The following PPCDC variants were observed in gnomAD, a reference collection of about 807,000 sequenced individuals.
PPCDC encodes the protein phosphopantothenoylcysteine decarboxylase.
Under a neutral mutation model 20.7 loss-of-function variants are expected in PPCDC, and 20 were observed. That is an observed-to-expected ratio of 0.97 (90% confidence interval 0.68 to 1.41). The LOEUF (loss-of-function observed/expected upper bound fraction) is 1.41. PPCDC is among the 40% of genes most tolerant of loss of function. PPCDC has a pLI of 0.00. For missense variants in PPCDC, 246 were observed against 263.8 expected (o/e 0.93, Z 0.47); for synonymous variants, 88 against 100.3 (o/e 0.88, Z 0.73).
chr15:75,044,656 G>GC (rs1367179102), intron 4 of PPCDC, 142 bp downstream of exon 4: 2 of 1,153,990 alleles, frequency 1.7e-6, no homozygotes, highest in African/African-American at 1.6e-5. Context: ...TCCCCACATC[G>GC]CCCCCAGTGC....
chr15:75,046,178 GT>G (rs2066231143), intron 4 of PPCDC, among the ~76,000 whole-genome samples: 1 of 152,256 alleles, frequency 6.6e-6, no homozygotes. Flanking sequence ...TTGTGCCACT[GT>G]ACTCCAGCCT....
chr15:75,049,251 A>C lies in PPCDC; in HGVS notation c.*16A>C. The C allele has an allele frequency of 6.2e-7, 1 of 1,610,326 alleles. No individual in the cohort carries two copies. The highest frequency in any genetic ancestry group is 8.5e-7 in the Non-Finnish European group (1 of 1,176,544). On this transcript the variant is annotated 3_prime_UTR_variant, in exon 6 of 6. Coordinates refer to ENST00000342932, the MANE Select transcript of PPCDC (RefSeq NM_021823.5). ...GCAGAGTTGACCTGGGATTTCTGTC[A>C]TGGGTGTCCCTCTGTACTCAGAATG...
In PPCDC at chr15:75,040,060, C is replaced by T. The variant is rs1224363308; in HGVS notation, c.136-3381C>T. Among the ~76,000 whole-genome samples the T allele has an allele frequency of 3.3e-5, 5 of 152,160 alleles. No homozygotes were observed. In the East Asian group the frequency reaches 5.8e-4, roughly 18 times the overall value. On this transcript the variant is annotated intron_variant, in intron 2 of 5. Coordinates refer to ENST00000342932, the MANE Select transcript of PPCDC (RefSeq NM_021823.5). Reference sequence around the variant, plus strand: ...TAGCCTCCCAAAGTGGGATTACAGGCGTGAGACACCATGCCCAGCCGTTCT... The same window carrying T: ...TAGCCTCCCAAAGTGGGATTACAGGTGTGAGACACCATGCCCAGCCGTTCT...
chr15:75,027,616 C>G (rs2065973066), intron 1 of PPCDC, among the ~76,000 whole-genome samples: 4 of 152,174 alleles, frequency 2.6e-5, no homozygotes, highest in Admixed American at 2.0e-4. Flanking sequence ...CTGCCGCTTC[C>G]TTTCACCAGT....
At chr15:75,046,178 G>A (rs1023991438) in intron 4 of PPCDC, among the ~76,000 whole-genome samples, 1 of 152,256 alleles carries the variant, frequency 6.6e-6, no homozygotes, top group Non-Finnish European at 1.5e-5. Context: ...TTGTGCCACT[G>A]TACTCCAGCC....
chr15:75,025,734 C>G (rs1327866499), intron 1 of PPCDC, among the ~76,000 whole-genome samples: 5 of 152,156 alleles, frequency 3.3e-5, no homozygotes, highest in African/African-American at 7.2e-5. Flanking sequence ...CTACAGCTAC[C>G]TGTGCAAATA....
intron 3 of PPCDC, among the ~76,000 whole-genome samples, chr15:75,043,902 C>T (rs1392504190): frequency 1.3e-5 from 2 of 152,214 alleles, no homozygotes; most frequent in Non-Finnish European, 2.9e-5. Context: ...GGCTCTGCTG[C>T]ATCTCCCCTG....
At chr15:75,031,307 C>G (rs12594117) in intron 2 of PPCDC, among the ~76,000 whole-genome samples, 26,107 of 152,114 alleles carry the variant, frequency 0.17, 3,336 homozygotes, top group South Asian at 0.43. Context: ...CAGTAAAATC[C>G]GGGTTGTCAG....
At position 75,050,547 on chromosome 15, in the gene PPCDC, C is replaced by T. The variant is rs1177673122; in HGVS notation, c.*1312C>T. The T allele has an allele frequency of 6.6e-6, 1 of 152,310 alleles. No homozygotes were observed. The highest frequency in any genetic ancestry group is 2.4e-5 in the African/African-American group (1 of 41,454). 9.4% of individuals were successfully genotyped at this position (152,310 alleles called of 1,614,324 possible). Reference sequence around the variant, plus strand: ...TCCAGGCCAGGTGTGAGGGACATCCCATGTGGGCTCTGAGAGCACTGAGAG... The same window carrying T: ...TCCAGGCCAGGTGTGAGGGACATCCTATGTGGGCTCTGAGAGCACTGAGAG... On this transcript the variant is annotated 3_prime_UTR_variant, in exon 6 of 6. Transcript: ENST00000342932.
chr15:75,028,222 G>T lies in PPCDC; in HGVS notation c.-72-25G>T, dbSNP rs907281953. ...ATTCTGGTCGACTGTATGAATGAAG[G>T]GGGTGGCCCTTGTTCTCCTTTTAGA... is the stretch of plus-strand genomic sequence containing the variant. On this transcript the variant is annotated intron_variant, in intron 1 of 5. Transcript: ENST00000342932. 71 of 1,483,212 alleles carry T rather than the reference G, an allele frequency of 4.8e-5. No individual in the cohort carries two copies. In the Admixed American group the frequency reaches 1.6e-3, roughly 33 times the overall value. 91.9% of individuals were successfully genotyped at this position (1,483,212 alleles called of 1,614,324 possible).
intron 1 of PPCDC, among the ~76,000 whole-genome samples, chr15:75,027,069 A>T (rs1237335916): frequency 6.6e-6 from 1 of 152,186 alleles, no homozygotes; most frequent in East Asian, 1.9e-4. Context: ...ACCCGGTCAC[A>T]CATTCAGGGA....
At position 75,048,697 on chromosome 15, in the gene PPCDC, A is replaced by C. The variant is rs1378985877; in HGVS notation, c.505A>C (p.Lys169Gln). The change falls in exon 5 of 6, where the codon AAG becomes CAG. Residue 169 changes from lysine (K) to glutamine (Q), a missense_variant. Physicochemically the swap from Lys to Gln is moderately conservative, Grantham distance 53. Coordinates refer to ENST00000342932, the MANE Select transcript of PPCDC (RefSeq NM_021823.5). ...FGYVEIPCVA[K>Q]KLVCGDEGLG... ...CTATGTCGAGATCCCCTGTGTGGCC[A>C]AGAAGCTGGTGTGCGGAGATGAAGG... 2.5e-6 allele frequency: 4 copies of C among 1,614,186 alleles called. No homozygotes were observed. Among genetic ancestry groups the C allele is most frequent in the Admixed American group, 3.3e-5 (2 of 60,022 alleles).
rs2066241934 is a variant in PPCDC at position 75,046,851 on chromosome 15, G to A, written c.361-1702G>A. On this transcript the variant is annotated intron_variant, in intron 4 of 5. Coordinates refer to ENST00000342932, the MANE Select transcript of PPCDC (RefSeq NM_021823.5). ...GTCCCTCTGTCCTCTAGCCCACTAAGGCCCTGGCCCATTTGTGCTAAACAG... is the reference window on the plus strand; with the variant it reads ...GTCCCTCTGTCCTCTAGCCCACTAAAGCCCTGGCCCATTTGTGCTAAACAG... 2.0e-5 allele frequency among the ~76,000 whole-genome samples: 3 copies of A among 152,384 alleles called. No individual in the cohort carries two copies. In the South Asian group the frequency reaches 6.2e-4, roughly 32 times the overall value.
chr15:75,031,132 A>C (rs2066015674), intron 2 of PPCDC, among the ~76,000 whole-genome samples: 2 of 152,138 alleles, frequency 1.3e-5, no homozygotes, highest in South Asian at 4.1e-4. Context: ...CAGGTTCTCA[A>C]ATGATCCATC....
At chr15:75,047,922 G>C (rs2066259208) in intron 4 of PPCDC, among the ~76,000 whole-genome samples, 1 of 152,210 alleles carries the variant, frequency 6.6e-6, no homozygotes, top group South Asian at 2.1e-4. Context: ...GGCTTGGTGG[G>C]ACGGCCTGGA....
chr15:75,043,485 C>CA lies in PPCDC; in HGVS notation c.181dup (p.Ser61LysfsTer14). The CA allele has an allele frequency of 6.2e-7, 1 of 1,613,090 alleles. No homozygotes were observed. Among genetic ancestry groups the CA allele is most frequent in the African/African-American group, 1.3e-5 (1 of 75,012 alleles). ...CAACTGAGAGAGCCAAACATTTCTA[C>CA]AGCCCCCAGGACATTCCTGTCACCC... On this transcript the variant is annotated frameshift_variant, in exon 3 of 6. Coordinates refer to ENST00000342932, the MANE Select transcript of PPCDC (RefSeq NM_021823.5). LOFTEE classifies it high-confidence loss of function.
intron 2 of PPCDC, among the ~76,000 whole-genome samples, chr15:75,034,724 A>G (rs1288056468): frequency 6.6e-6 from 1 of 152,192 alleles, no homozygotes; most frequent in Admixed American, 6.5e-5. Flanking sequence ...GTCCTGGCCC[A>G]GAGGACTGGG....
chr15:75,044,792 C>T (rs2066208554), intron 4 of PPCDC: 1 of 388,852 alleles, frequency 2.6e-6, no homozygotes, highest in Non-Finnish European at 4.8e-6. Context: ...CACAGGAAGA[C>T]CCTTCTTCCT....
In PPCDC at chr15:75,031,619, G is replaced by A. The variant is rs1467000055; in HGVS notation, c.135+3166G>A. 2.6e-5 allele frequency among the ~76,000 whole-genome samples: 4 copies of A among 152,256 alleles called. No individual in the cohort carries two copies. In the East Asian group the frequency reaches 5.8e-4, roughly 22 times the overall value. On this transcript the variant is annotated intron_variant, in intron 2 of 5. Transcript: ENST00000342932. ...CTCAGGAGGCGGAGGCAGGAGAATC[G>A]CTTGAACCCAGAAGGCAGAGGTTGC...
Sources: allele counts gnomAD v4.1 joint callset (sites outside exome capture counted in the v4.1 genomes callset), GRCh38; gene constraint gnomAD v4.1.1; transcripts MANE v1.5; gene names NCBI Gene and HGNC (gene_info 2026-07-23, HGNC 2026-07-21).